PRKCH: variants seen among roughly 807,000 people sequenced by gnomAD.
PRKCH encodes the protein protein kinase C eta type.
In PRKCH, 28 loss-of-function variants were observed where a neutral mutation model predicts 82.5. The observed-to-expected ratio is 0.34, with a 90% confidence interval of 0.25 to 0.47. The LOEUF (loss-of-function observed/expected upper bound fraction) is 0.47. PRKCH is among the 20% of genes least tolerant of loss of function. PRKCH has a pLI of 1.00. For missense variants in PRKCH, 705 were observed against 881.8 expected (o/e 0.80, Z 2.54); for synonymous variants, 322 against 327.4 (o/e 0.98, Z 0.18).
intron 1 of PRKCH, among the ~76,000 whole-genome samples, chr14:61,340,868 T>G (rs896089929): frequency 2.0e-5 from 3 of 152,212 alleles, no homozygotes; most frequent in Non-Finnish European, 4.4e-5. Context: ...TCTAGACTTT[T>G]CTTTCTCCTT....
At chr14:61,328,613 T>C (rs2045736376) in intron 1 of PRKCH, among the ~76,000 whole-genome samples, 1 of 152,066 alleles carries the variant, frequency 6.6e-6, no homozygotes, top group Non-Finnish European at 1.5e-5. Flanking sequence ...GGTAAAAGTG[T>C]GGTGCATTTT....
chr14:61,417,682 GTCC>G lies in PRKCH; in HGVS notation c.428-25424_428-25422del, dbSNP rs200288956. On this transcript the variant is annotated intron_variant, in intron 2 of 13. Coordinates refer to ENST00000332981, the MANE Select transcript of PRKCH (RefSeq NM_006255.5). ...GTAGATTTATGGTTCCTTATAAGGA[GTCC>G]TCCTTCTGTCTTTGAAGTCTTAGAC... 9.6e-3 allele frequency among the ~76,000 whole-genome samples: 1,466 copies of G among 152,260 alleles called. 25 individuals carry two copies. Among genetic ancestry groups the G allele is most frequent in the African/African-American group, 0.034 (1,400 of 41,522 alleles).
chr14:61,331,750 T>G (rs993859698), intron 1 of PRKCH, among the ~76,000 whole-genome samples: 1 of 152,202 alleles, frequency 6.6e-6, no homozygotes, highest in Admixed American at 6.5e-5. Context: ...TGCTTCCATG[T>G]GTTAGGCAAT....
chr14:61,539,437 A>C (rs1218182397), intron 12 of PRKCH, among the ~76,000 whole-genome samples: 1 of 152,164 alleles, frequency 6.6e-6, no homozygotes, highest in Admixed American at 6.5e-5. Context: ...TTTCATCGAG[A>C]GAAAATAAAG....
At chr14:61,502,880 G>A (rs1886981117) in intron 10 of PRKCH, among the ~76,000 whole-genome samples, 1 of 152,046 alleles carries the variant, frequency 6.6e-6, no homozygotes, top group South Asian at 2.1e-4. Flanking sequence ...CCGAGCAGCA[G>A]AGGAAGGCAG....
intron 10 of PRKCH, among the ~76,000 whole-genome samples, chr14:61,488,216 G>A (rs1886314777): frequency 6.6e-6 from 1 of 152,090 alleles, no homozygotes; most frequent in Non-Finnish European, 1.5e-5. Context: ...CTAGCTACTT[G>A]GGAGGCTGAG....
intron 1 of PRKCH, among the ~76,000 whole-genome samples, chr14:61,367,883 T>G (rs540738659): frequency 2.0e-5 from 3 of 151,712 alleles, no homozygotes; most frequent in African/African-American, 7.3e-5. Flanking sequence ...CCCGGCTAAT[T>G]TTTTGTATTT....
At chr14:61,260,839 A>G (rs1045068668) in intron 1 of PRKCH, among the ~76,000 whole-genome samples, 1 of 152,204 alleles carries the variant, frequency 6.6e-6, no homozygotes, top group Non-Finnish European at 1.5e-5. Flanking sequence ...AATGAAAGAC[A>G]TATCAAAGAA....
Position 61,300,152 on chromosome 14 carries a change from G to A in PRKCH, c.-19+112484G>A, listed in dbSNP as rs181904301. On this transcript the variant is annotated intron_variant, in intron 1 of 3. Transcript: ENST00000555185. The stretch of plus-strand genomic sequence containing the variant: ...CTATTTTTCATTTAATATTGAACTG[G>A]AGCATTTTTGAGCATTTCATTCAGT... Among the ~76,000 whole-genome samples the A allele has an allele frequency of 6.3e-4, 95 of 151,876 alleles. 1 individual carries two copies. The highest frequency in any genetic ancestry group is 4.5e-3 in the Admixed American group (68 of 15,238).
At chr14:61,339,599 A>G (rs2045905118) in intron 1 of PRKCH, among the ~76,000 whole-genome samples, 1 of 135,646 alleles carries the variant, frequency 7.4e-6, no homozygotes, top group Non-Finnish European at 1.6e-5. Flanking sequence ...CTGGGATTAC[A>G]GGCGTGAGCC....
At chr14:61,329,239 T>TTTCTTTTTTTC (rs1244823706) in intron 1 of PRKCH, among the ~76,000 whole-genome samples, 1 of 111,316 alleles carries the variant, frequency 9.0e-6, no homozygotes, top group Non-Finnish European at 1.9e-5. Context: ...TGAGTCTTTT[T>TTTCTTTTTTTC]TTTTTTTTTT....
intron 1 of PRKCH, among the ~76,000 whole-genome samples, chr14:61,207,606 T>A (rs1335274472): frequency 6.6e-6 from 1 of 152,094 alleles, no homozygotes; most frequent in Non-Finnish European, 1.5e-5. Flanking sequence ...TTTAACATAA[T>A]AATTATGGAT....
chr14:61,466,666 CCTGGGA>C (rs1885273954), intron 9 of PRKCH, among the ~76,000 whole-genome samples: 1 of 152,098 alleles, frequency 6.6e-6, no homozygotes, highest in African/African-American at 2.4e-5. Flanking sequence ...ACTAGCAGGC[CCTGGGA>C]CTGGGTGAGA....
intron 2 of PRKCH, among the ~76,000 whole-genome samples, chr14:61,411,876 T>C (rs1014090650): frequency 2.6e-5 from 4 of 152,268 alleles, no homozygotes; most frequent in East Asian, 1.9e-4. Flanking sequence ...TTTCTGGTGC[T>C]CACACGGGGC....
At position 61,363,080 on chromosome 14, in the gene PRKCH, G is replaced by A. The variant is rs1175282949; in HGVS notation, c.364-28145G>A. Among the ~76,000 whole-genome samples the A allele has an allele frequency of 6.6e-5, 10 of 152,338 alleles. No homozygotes were observed. The South Asian group carries it at 1.7e-3, about 25-fold the overall frequency. On this transcript the variant is annotated intron_variant, in intron 1 of 13. Transcript: ENST00000332981. ...TGTAGGCTAAGGGAACAGCATGAGT[G>A]TCAGTGCATTAAACAGTCTGTGTAT...
chr14:61,390,171 C>A (rs545290764), intron 1 of PRKCH, among the ~76,000 whole-genome samples: 2 of 152,120 alleles, frequency 1.3e-5, no homozygotes, highest in African/African-American at 4.8e-5. Flanking sequence ...GAGGGGAGTC[C>A]GCCCACCTAA....
At chr14:61,396,010 G>T (rs1393195250) in intron 2 of PRKCH, among the ~76,000 whole-genome samples, 5 of 150,618 alleles carry the variant, frequency 3.3e-5, no homozygotes, top group African/African-American at 9.8e-5. Context: ...AGCCTGGGAA[G>T]TGGAGGTTGC....
chr14:61,533,667 A>G lies in PRKCH; in HGVS notation c.1761+3072A>G, dbSNP rs573061538. Among the ~76,000 whole-genome samples the G allele has an allele frequency of 2.0e-5, 3 of 152,290 alleles. No individual in the cohort carries two copies. In the South Asian group the frequency reaches 6.2e-4, roughly 32 times the overall value. ...CTCCATTTCCTTGGGCAAATGGCCT[A>G]ATTCTTCCATGCCTCAGCAGGTGGG... is the stretch of plus-strand genomic sequence containing the variant. On this transcript the variant is annotated intron_variant, in intron 12 of 13. Transcript: ENST00000332981.
intron 2 of PRKCH, among the ~76,000 whole-genome samples, chr14:61,395,488 G>A (rs2046765442): frequency 6.6e-6 from 1 of 152,120 alleles, no homozygotes; most frequent in Admixed American, 6.5e-5. Context: ...GCAGTGTAAG[G>A]TCAGGCCTGC....
Sources: gnomAD v4.1 joint callset for allele counts (sites outside exome capture counted in the v4.1 genomes callset) on GRCh38, gnomAD v4.1.1 for gene constraint, MANE v1.5 for transcripts, NCBI Gene and HGNC (gene_info 2026-07-23, HGNC 2026-07-21) for gene names.